CSMD3: variants seen among roughly 807,000 people sequenced by gnomAD.
CSMD3 encodes the protein CUB and Sushi multiple domains 3, also known as CUB and sushi domain-containing protein 3.
Under a neutral mutation model 435.2 loss-of-function variants are expected in CSMD3, and 177 were observed. The observed-to-expected ratio is 0.41, with a 90% confidence interval of 0.36 to 0.46. The LOEUF is 0.46. Ranked by LOEUF, CSMD3 falls within the 20% of genes least tolerant of loss-of-function variation. CSMD3 has a pLI of 0.34. For synonymous variants in CSMD3, 1,656 were observed against 1,520.5 expected, an observed-to-expected ratio of 1.09 and a Z score of -2.07; for missense variants, 4,265 against 4,504.6, an observed-to-expected ratio of 0.95 and a Z score of 1.52.
chr8:112,553,775 G>A (rs1827886128), intron 25 of CSMD3, among the ~76,000 whole-genome samples: 1 of 151,982 alleles, frequency 6.6e-6, no homozygotes, highest in African/African-American at 2.4e-5. Context: ...GCATTTGGAA[G>A]AGACCTGATA....
chr8:112,869,607 C>T (rs954903700), intron 10 of CSMD3, among the ~76,000 whole-genome samples: 1 of 152,032 alleles, frequency 6.6e-6, no homozygotes, highest in Non-Finnish European at 1.5e-5. Flanking sequence ...GCACTATTTG[C>T]AATAGCAAAG....
chr8:112,258,069 G>A (rs539389904), intron 61 of CSMD3, among the ~76,000 whole-genome samples: 89 of 152,238 alleles, frequency 5.8e-4, no homozygotes, highest in African/African-American at 2.0e-3. Flanking sequence ...GGGAAAACTG[G>A]TGAGCCATAC....
At chr8:113,183,192 T>C (rs2092448712) in intron 3 of CSMD3, among the ~76,000 whole-genome samples, 1 of 152,014 alleles carries the variant, frequency 6.6e-6, no homozygotes, top group Non-Finnish European at 1.5e-5. Context: ...GTGGTAAAAT[T>C]TGAAGTGGGT....
At chr8:112,984,524 A>G (rs1456270257) in intron 6 of CSMD3, among the ~76,000 whole-genome samples, 1 of 152,114 alleles carries the variant, frequency 6.6e-6, no homozygotes, top group Admixed American at 6.6e-5. Flanking sequence ...TTTCTACTCT[A>G]GAAGTAGAAA....
chr8:112,232,676 C>G (rs186346484), intron 68 of CSMD3, among the ~76,000 whole-genome samples: 2 of 152,136 alleles, frequency 1.3e-5, no homozygotes, highest in Non-Finnish European at 2.9e-5. Context: ...ATATTAAAAA[C>G]CACTGAATTG....
chr8:113,152,755 G>T (rs2091838289), intron 4 of CSMD3, among the ~76,000 whole-genome samples: 1 of 151,904 alleles, frequency 6.6e-6, no homozygotes, highest in Admixed American at 6.6e-5. Context: ...CAATTGAGTG[G>T]ATTGCTTGAG....
At chr8:112,226,848 A>C (rs927343064) in intron 70 of CSMD3, among the ~76,000 whole-genome samples, 1 of 152,206 alleles carries the variant, frequency 6.6e-6, no homozygotes, top group Non-Finnish European at 1.5e-5. Context: ...AACCACAGTG[A>C]GATACAGCTT....
chr8:112,957,037 T>A (rs1022006792), intron 7 of CSMD3, among the ~76,000 whole-genome samples: 3 of 152,068 alleles, frequency 2.0e-5, no homozygotes, highest in Admixed American at 6.6e-5. Context: ...CTGTTTATAT[T>A]TTTAACGGAA....
intron 66 of CSMD3, among the ~76,000 whole-genome samples, chr8:112,239,147 T>C (rs1006531422): frequency 2.8e-4 from 42 of 152,176 alleles, no homozygotes; most frequent in African/African-American, 9.6e-4. Context: ...GTCTCTCCCT[T>C]CTGATTTCTG....
At chr8:112,438,827 C>G (rs1814665112) in intron 32 of CSMD3, among the ~76,000 whole-genome samples, 2 of 152,094 alleles carry the variant, frequency 1.3e-5, no homozygotes, top group Non-Finnish European at 2.9e-5. Flanking sequence ...TAGCTACTAC[C>G]AAATTCAGTA....
intron 5 of CSMD3, among the ~76,000 whole-genome samples, chr8:113,022,305 G>A (rs1008095831): frequency 6.6e-6 from 1 of 151,932 alleles, no homozygotes; most frequent in East Asian, 1.9e-4. Flanking sequence ...GCAAATTCTA[G>A]CATAAAGTCA....
intron 1 of CSMD3, among the ~76,000 whole-genome samples, chr8:113,355,770 G>GCTGT (rs1554618984): frequency 9.6e-5 from 1 of 10,374 alleles, no homozygotes; most frequent in African/African-American, 3.1e-4. Context: ...ACACACACGG[G>GCTGT]GTGTGTGTGT....
intron 4 of CSMD3, among the ~76,000 whole-genome samples, chr8:113,130,887 G>A (rs957443471): frequency 6.6e-6 from 1 of 152,130 alleles, no homozygotes; most frequent in Non-Finnish European, 1.5e-5. Context: ...GGGAACTGGA[G>A]CAAGGCCGCT....
chr8:113,060,000 T>A (rs1040271904), intron 5 of CSMD3, among the ~76,000 whole-genome samples: 251 of 151,138 alleles, frequency 1.7e-3, no homozygotes, highest in African/African-American at 5.9e-3. Flanking sequence ...TATTTATTTT[T>A]TTTTTATTAT....
intron 43 of CSMD3, 76 bp downstream of exon 43, chr8:112,337,467 G>A: frequency 9.0e-7 from 1 of 1,114,500 alleles, no homozygotes; most frequent in Non-Finnish European, 1.4e-6. Context: ...GGAAGAGGAA[G>A]ACAAGTAAAA....
intron 7 of CSMD3, among the ~76,000 whole-genome samples, chr8:112,960,834 C>T (rs1231945470): frequency 6.6e-6 from 1 of 151,570 alleles, no homozygotes; most frequent in African/African-American, 2.4e-5. Context: ...AGTATATATT[C>T]ATTTTTATAA....
chr8:112,709,203 A>G (rs1408267590), intron 13 of CSMD3, among the ~76,000 whole-genome samples: 1 of 152,174 alleles, frequency 6.6e-6, no homozygotes, highest in Non-Finnish European at 1.5e-5. Context: ...CCATAAATGT[A>G]TTATAAGTAA....
chr8:113,104,598 T>C (rs955960891), intron 4 of CSMD3, among the ~76,000 whole-genome samples: 3 of 152,032 alleles, frequency 2.0e-5, no homozygotes, highest in Admixed American at 6.6e-5. Flanking sequence ...ACACTTCAGA[T>C]TGATAATTTT....
intron 32 of CSMD3, among the ~76,000 whole-genome samples, chr8:112,444,586 T>C (rs1815392141): frequency 6.6e-6 from 1 of 152,180 alleles, no homozygotes; most frequent in African/African-American, 2.4e-5. Context: ...AATTTTATGA[T>C]AGCAAAAACA....
Sources: gnomAD v4.1 joint callset for allele counts (sites outside exome capture counted in the v4.1 genomes callset) on GRCh38, gnomAD v4.1.1 for gene constraint, MANE v1.5 for transcripts, NCBI Gene and HGNC (gene_info 2026-07-23, HGNC 2026-07-21) for gene names.